Variants in PHACTR1 observed in about 807,000 individuals in gnomAD.
PHACTR1 encodes RPEL repeat containing 1.
A neutral mutation model predicts 69.2 loss-of-function variants in PHACTR1; 16 were observed. The observed-to-expected ratio is 0.23, with a 90% confidence interval of 0.16 to 0.35. The LOEUF (loss-of-function observed/expected upper bound fraction) is 0.35. PHACTR1 is among the 10% of genes least tolerant of loss of function. The pLI is 1.00. For synonymous variants in PHACTR1, 312 were observed against 284.5 expected (o/e 1.10, Z -0.97); for missense variants, 510 against 734.7 (o/e 0.69, Z 3.54).
chr6:12,788,903 G>C (rs972663841), intron 4 of PHACTR1, among the ~76,000 whole-genome samples: 2 of 152,188 alleles, frequency 1.3e-5, no homozygotes, highest in Admixed American at 6.5e-5. Flanking sequence ...AAGATGAGAG[G>C]AATAATGTGA....
intron 4 of PHACTR1, among the ~76,000 whole-genome samples, chr6:12,855,876 A>G (rs1780300868): frequency 6.6e-6 from 1 of 152,260 alleles, no homozygotes. Flanking sequence ...TTACCTGAGA[A>G]TAAAAACATT....
At position 12,753,959 on chromosome 6, in the gene PHACTR1, TATATA is replaced by T. The variant is rs1356496684; in HGVS notation, c.250+4170_250+4174del. Among the ~76,000 whole-genome samples the T allele has an allele frequency of 3.5e-3, 361 of 104,606 alleles. 2 individuals carry two copies. Among genetic ancestry groups the T allele is most frequent in the South Asian group, 0.014 (54 of 3,850 alleles). The allele number at this position is 104,606 out of a possible 152,430, so 68.6% of individuals were successfully genotyped here. On this transcript the variant is annotated intron_variant, in intron 4 of 14. Coordinates refer to ENST00000332995, the MANE Select transcript of PHACTR1 (RefSeq NM_030948.6). Reference sequence around the variant, plus strand: ...CAAGTTGTAAATATATATATATATATATATATATATATTTTTTTTTTGAGACAGAG... The same window carrying T: ...CAAGTTGTAAATATATATATATATATTATATATTTTTTTTTTGAGACAGAG...
chr6:13,262,980 T>C (rs183271344), intron 10 of PHACTR1, among the ~76,000 whole-genome samples: 2 of 152,354 alleles, frequency 1.3e-5, no homozygotes, highest in East Asian at 1.9e-4. Context: ...TAAATGCTAA[T>C]GAAAGCTGTG....
At chr6:12,719,419 C>T (rs1484260225) in intron 3 of PHACTR1, among the ~76,000 whole-genome samples, 2 of 152,150 alleles carry the variant, frequency 1.3e-5, no homozygotes, top group Non-Finnish European at 2.9e-5. Context: ...TTCCAGTTTT[C>T]TTGCCCTTCT....
chr6:13,081,499 T>C (rs1463581191), intron 5 of PHACTR1, among the ~76,000 whole-genome samples: 1 of 152,154 alleles, frequency 6.6e-6, no homozygotes, highest in Non-Finnish European at 1.5e-5. Flanking sequence ...TTACAACTAT[T>C]TGAAAGCACT....
chr6:12,757,222 T>C (rs1433513710), intron 4 of PHACTR1, among the ~76,000 whole-genome samples: 1 of 151,620 alleles, frequency 6.6e-6, no homozygotes, highest in Non-Finnish European at 1.5e-5. Flanking sequence ...CCATATGGGG[T>C]GGGGAGCAGA....
At chr6:12,763,355 G>A (rs893154854) in intron 4 of PHACTR1, among the ~76,000 whole-genome samples, 2 of 152,154 alleles carry the variant, frequency 1.3e-5, no homozygotes, top group African/African-American at 4.8e-5. Context: ...GCTCAAATCA[G>A]CCTTAAACTC....
intron 4 of PHACTR1, among the ~76,000 whole-genome samples, chr6:12,912,200 A>G (rs541477368): frequency 1.3e-5 from 2 of 152,296 alleles, no homozygotes; most frequent in South Asian, 4.1e-4. Context: ...GGATTTTGCC[A>G]TGTTGGCCAG....
At chr6:12,939,584 T>C (rs577120369) in intron 4 of PHACTR1, among the ~76,000 whole-genome samples, 2 of 152,300 alleles carry the variant, frequency 1.3e-5, no homozygotes, top group East Asian at 3.9e-4. Context: ...AAGCAGTAGA[T>C]TATACAAGTA....
chr6:12,833,294 T>G (rs1035020062), intron 4 of PHACTR1, among the ~76,000 whole-genome samples: 1 of 151,832 alleles, frequency 6.6e-6, no homozygotes, highest in African/African-American at 2.4e-5. Flanking sequence ...AGTCCTGCTC[T>G]GTCACCCAGG....
chr6:12,942,520 G>A (rs1040491714), intron 4 of PHACTR1, among the ~76,000 whole-genome samples: 4 of 152,252 alleles, frequency 2.6e-5, no homozygotes, highest in African/African-American at 9.6e-5. Context: ...GTGGCCAGGT[G>A]CAGTGGTTTA....
chr6:12,846,421 A>T (rs1340156157), intron 4 of PHACTR1, among the ~76,000 whole-genome samples: 1 of 152,166 alleles, frequency 6.6e-6, no homozygotes, highest in Admixed American at 6.5e-5. Context: ...TGTTCTAATA[A>T]ACCCAATTTC....
intron 4 of PHACTR1, among the ~76,000 whole-genome samples, chr6:12,954,789 G>A (rs1185982134): frequency 6.6e-6 from 1 of 152,186 alleles, no homozygotes; most frequent in Non-Finnish European, 1.5e-5. Flanking sequence ...ATGCCATAGG[G>A]CTAGAACCAA....
intron 7 of PHACTR1, among the ~76,000 whole-genome samples, chr6:13,197,586 G>A (rs1764615877): frequency 6.6e-6 from 1 of 151,908 alleles, no homozygotes; most frequent in South Asian, 2.1e-4. Flanking sequence ...TAGGGTACAT[G>A]TGCACAATGT....
intron 4 of PHACTR1, among the ~76,000 whole-genome samples, chr6:12,757,808 G>T (rs1360027627): frequency 6.6e-6 from 1 of 152,060 alleles, no homozygotes; most frequent in East Asian, 1.9e-4. Flanking sequence ...CATCCAAGTG[G>T]CTACATTTAA....
intron 4 of PHACTR1, among the ~76,000 whole-genome samples, chr6:12,994,515 C>A (rs1406475754): frequency 6.6e-6 from 1 of 152,042 alleles, no homozygotes; most frequent in Non-Finnish European, 1.5e-5. Context: ...TTACTAACTC[C>A]AGGAAAAATG....
At chr6:13,070,179 C>T (rs553860492) in intron 5 of PHACTR1, among the ~76,000 whole-genome samples, 3 of 152,240 alleles carry the variant, frequency 2.0e-5, no homozygotes, top group Non-Finnish European at 2.9e-5. Context: ...CTTATCTAGT[C>T]GAATTACAGT....
At chr6:12,984,647 T>C (rs533010700) in intron 4 of PHACTR1, among the ~76,000 whole-genome samples, 1 of 152,384 alleles carries the variant, frequency 6.6e-6, no homozygotes, top group South Asian at 2.1e-4. Context: ...TGTCATTCCA[T>C]GGGTACTAAC....
intron 5 of PHACTR1, among the ~76,000 whole-genome samples, chr6:13,132,084 A>G (rs1820558062): frequency 6.6e-6 from 1 of 152,210 alleles, no homozygotes; most frequent in Admixed American, 6.5e-5. Flanking sequence ...CTCTCATCTC[A>G]GGCATCAAAT....
Sources: gnomAD v4.1 joint callset for allele counts (sites outside exome capture counted in the v4.1 genomes callset) on GRCh38, gnomAD v4.1.1 for gene constraint, MANE v1.5 for transcripts, NCBI Gene and HGNC (gene_info 2026-07-23, HGNC 2026-07-21) for gene names.